Variants in TLE1 observed in about 807,000 individuals in gnomAD.
TLE1 encodes transducin-like enhancer protein 1.
Under a neutral mutation model 89.8 loss-of-function variants are expected in TLE1, and 21 were observed. That is an observed-to-expected ratio of 0.23 (90% CI 0.17 to 0.34). TLE1 has a LOEUF of 0.34. Among genes scored for constraint, TLE1 ranks in the 10% least tolerant of loss-of-function variants. TLE1 has a pLI of 1.00. For missense variants in TLE1, 795 were observed against 1,031.2 expected, an observed-to-expected ratio of 0.77 and a Z score of 3.14; for synonymous variants, 447 against 407.6, an observed-to-expected ratio of 1.10 and a Z score of -1.16.
intron 14 of TLE1, among the ~76,000 whole-genome samples, chr9:81,597,546 A>T (rs13289712): frequency 0.13 from 20,346 of 152,152 alleles, 1,517 homozygotes; most frequent in South Asian, 0.19. Context: ...TGCAGGGCAG[A>T]CAGTCAGTCC....
At chr9:81,607,784 T>A (rs1032607598) in intron 14 of TLE1, among the ~76,000 whole-genome samples, 4 of 152,132 alleles carry the variant, frequency 2.6e-5, no homozygotes, top group African/African-American at 9.7e-5. Context: ...TAGTAACTAG[T>A]TCATGGGTAC....
Position 81,684,039 on chromosome 9 carries a change from C to T in TLE1, c.234+1637G>A, listed in dbSNP as rs117721109. Among the ~76,000 whole-genome samples, 24 of 151,634 alleles carry T rather than the reference C, an allele frequency of 1.6e-4. 1 individual carries two copies. The East Asian group carries it at 4.7e-3, about 30-fold the overall frequency. On this transcript the variant is annotated intron_variant, in intron 4 of 19. Transcript: ENST00000376499. ...AGGTGGTGTTCCCTTGTAAAAGAGT[C>T]AATGAGGTTATTAAATCCTTTGAGT...
chr9:81,664,983 G>A (rs1831276947), intron 4 of TLE1, among the ~76,000 whole-genome samples: 3 of 151,466 alleles, frequency 2.0e-5, no homozygotes, highest in African/African-American at 7.4e-5. Context: ...GCACCTGCCA[G>A]GTGCTCTGAC....
chr9:81,587,575 T>G, intron 17 of TLE1, 106 bp downstream of exon 17: 1 of 1,395,312 alleles, frequency 7.2e-7, no homozygotes, highest in Non-Finnish European at 9.4e-7. Flanking sequence ...CCTGATCTGT[T>G]TGTCCAGCCA....
intron 4 of TLE1, among the ~76,000 whole-genome samples, chr9:81,658,191 T>C (rs984911347): frequency 6.6e-6 from 1 of 151,950 alleles, no homozygotes; most frequent in Non-Finnish European, 1.5e-5. Context: ...GGATTTATAA[T>C]CCTAGCATGA....
chr9:81,620,291 G>C, intron 9 of TLE1, 150 bp downstream of exon 9: 2 of 665,226 alleles, frequency 3.0e-6, no homozygotes, highest in South Asian at 4.5e-5. Context: ...CAGCCCCAAA[G>C]GGAAATACTA....
chr9:81,609,052 G>A (rs151120874), intron 14 of TLE1, among the ~76,000 whole-genome samples: 39 of 151,948 alleles, frequency 2.6e-4, no homozygotes, highest in South Asian at 1.2e-3. Context: ...GCAAAGACCT[G>A]CCCCCTCCCC....
chr9:81,590,052 A>G (rs1217606556), intron 16 of TLE1, among the ~76,000 whole-genome samples: 2 of 152,242 alleles, frequency 1.3e-5, no homozygotes, highest in Non-Finnish European at 2.9e-5. Flanking sequence ...AAACTGCACC[A>G]TCCGCAGGGA....
chr9:81,674,748 A>T (rs116451733), intron 4 of TLE1, among the ~76,000 whole-genome samples: 179 of 152,324 alleles, frequency 1.2e-3, no homozygotes, highest in African/African-American at 4.1e-3. Context: ...GTTGAGAAAG[A>T]AATCACCTAA....
intron 11 of TLE1, among the ~76,000 whole-genome samples, chr9:81,613,791 C>T (rs1474197142): frequency 6.6e-6 from 1 of 152,116 alleles, no homozygotes; most frequent in Non-Finnish European, 1.5e-5. Context: ...TTCCATCAGC[C>T]TTGTGGACTT....
In TLE1 at chr9:81,687,439, G is replaced by C. The variant is rs1433803600; in HGVS notation, c.25-5C>G. ...GCCTGCAGCCTGGTGCGGCGTCTGG[G>C]GGCGACCAGCGAGGGGGACCGAGGG... On this transcript the variant is annotated splice_region_variant and splice_polypyrimidine_tract_variant and intron_variant, in intron 1 of 19. Transcript: ENST00000376499. 1.2e-6 allele frequency: 2 copies of C among 1,606,864 alleles called. No individual in the cohort carries two copies. Among genetic ancestry groups the C allele is most frequent in the Non-Finnish European group, 1.7e-6 (2 of 1,177,052 alleles).
rs891373835 is a variant in TLE1, at chr9:81,689,150, C to T, written c.-910G>A. The T allele has an allele frequency of 1.3e-5, 2 of 152,380 alleles. No individual in the cohort carries two copies. The highest frequency in any genetic ancestry group is 2.4e-5 in the African/African-American group (1 of 41,478). 9.4% of individuals were successfully genotyped at this position (152,380 alleles called of 1,614,324 possible). A position where few individuals can be genotyped will look rare whatever the true frequency, so the allele number is the denominator to read the frequency against. ...TCCGAGCTCCTTCTTCCTCGGTCTT[C>T]TTTCTTTCCTTCCTTCACCTTCGTG... On this transcript the variant is annotated 5_prime_UTR_variant, in exon 1 of 20. Transcript: ENST00000376499.
chr9:81,597,500 A>C (rs776149401), intron 14 of TLE1, among the ~76,000 whole-genome samples: 2 of 152,160 alleles, frequency 1.3e-5, no homozygotes, highest in Non-Finnish European at 2.9e-5. Context: ...ACGCCCAAAG[A>C]GTAGAGATGG....
chr9:81,670,120 C>G (rs1166224820), intron 4 of TLE1, among the ~76,000 whole-genome samples: 1 of 152,186 alleles, frequency 6.6e-6, no homozygotes, highest in Non-Finnish European at 1.5e-5. Context: ...GCTCTCAAAT[C>G]GAATGATTCT....
At chr9:81,602,707 A>G (rs941592769) in intron 14 of TLE1, among the ~76,000 whole-genome samples, 3 of 152,182 alleles carry the variant, frequency 2.0e-5, no homozygotes, top group African/African-American at 4.8e-5. Flanking sequence ...CATGGACCTG[A>G]TAAGTGCTTT....
intron 8 of TLE1, among the ~76,000 whole-genome samples, chr9:81,626,101 A>G (rs183854759): frequency 4.0e-4 from 61 of 152,292 alleles, no homozygotes; most frequent in Admixed American, 4.0e-3. Flanking sequence ...CAAAAGCAAG[A>G]CAGGTTTCCC....
At chr9:81,616,322 A>G (rs113282087) in intron 10 of TLE1, among the ~76,000 whole-genome samples, 188 bp from the exon 11 acceptor site, 25 of 148,362 alleles carry the variant, frequency 1.7e-4, no homozygotes, top group African/African-American at 5.2e-4. Flanking sequence ...AACATGCCAT[A>G]AAAAAAAAAC....
intron 4 of TLE1, among the ~76,000 whole-genome samples, chr9:81,672,322 AATT>A (rs534539630): frequency 2.1e-4 from 32 of 150,360 alleles, no homozygotes; most frequent in East Asian, 1.2e-3. Flanking sequence ...CCCTGCAATA[AATT>A]ATTATTATTA....
intron 4 of TLE1, among the ~76,000 whole-genome samples, chr9:81,663,560 T>C (rs1831083630): frequency 6.6e-6 from 1 of 151,656 alleles, no homozygotes; most frequent in Non-Finnish European, 1.5e-5. Context: ...GTGCCTCTCA[T>C]CTGTCAATGA....
Sources: allele counts gnomAD v4.1 joint callset (sites outside exome capture counted in the v4.1 genomes callset), GRCh38; gene constraint gnomAD v4.1.1; transcripts MANE v1.5; gene names NCBI Gene and HGNC (gene_info 2026-07-23, HGNC 2026-07-21).